TPST1: variants seen among roughly 807,000 people sequenced by gnomAD.
TPST1 encodes tyrosylprotein sulfotransferase 1, also known as protein-tyrosine sulfotransferase 1.
Under a neutral mutation model 34.8 loss-of-function variants are expected in TPST1, and 20 were observed. That is an observed-to-expected ratio of 0.57 (90% CI 0.40 to 0.84). TPST1 has a LOEUF of 0.84. Among genes scored for constraint, TPST1 ranks in the 40% least tolerant of loss-of-function variants. The probability of loss-of-function intolerance (pLI) is 0.00; values close to 1 mark genes in which losing one functional copy is unlikely to be tolerated. For missense variants in TPST1, 353 were observed against 455.5 expected, an observed-to-expected ratio of 0.78 and a Z score of 2.05; for synonymous variants, 152 against 159.4, an observed-to-expected ratio of 0.95 and a Z score of 0.35.
chr7:66,344,460 T>C (rs1792301458), intron 3 of TPST1: 1 of 152,280 alleles, frequency 6.6e-6, no homozygotes, highest in East Asian at 1.9e-4. Flanking sequence ...TCACCTGAGC[T>C]GTAGTGCAGT....
chr7:66,249,300 GTAACCTATTACATTGAT>G (rs1181534731), intron 2 of TPST1, among the ~76,000 whole-genome samples: 1 of 151,594 alleles, frequency 6.6e-6, no homozygotes, highest in Non-Finnish European at 1.5e-5. Flanking sequence ...TTTAAGTAGA[GTAACCTATTACATTGAT>G]TAACTACTGT....
At chr7:66,347,423 T>C (rs933755175) in intron 3 of TPST1, among the ~76,000 whole-genome samples, 3 of 152,196 alleles carry the variant, frequency 2.0e-5, no homozygotes, top group Admixed American at 1.3e-4. Flanking sequence ...GCACCATTTA[T>C]TGAAGAGACT....
At chr7:66,328,137 C>T (rs1384484268) in intron 3 of TPST1, among the ~76,000 whole-genome samples, 1 of 146,030 alleles carries the variant, frequency 6.8e-6, no homozygotes, top group Admixed American at 7.1e-5. Context: ...AGCAATTCTC[C>T]TGCCTCAGCC....
intron 2 of TPST1, among the ~76,000 whole-genome samples, chr7:66,268,686 A>G (rs1790638923): frequency 6.6e-6 from 1 of 152,180 alleles, no homozygotes; most frequent in Non-Finnish European, 1.5e-5. Context: ...GGAAAGAGAA[A>G]TAATCACAAC....
chr7:66,208,053 T>C (rs577000736), intron 1 of TPST1, among the ~76,000 whole-genome samples: 58 of 152,198 alleles, frequency 3.8e-4, no homozygotes, highest in African/African-American at 1.3e-3. Flanking sequence ...GGTCCTGTAG[T>C]CTACTTAATC....
At chr7:66,311,711 A>G (rs987792703) in intron 3 of TPST1, among the ~76,000 whole-genome samples, 1 of 152,346 alleles carries the variant, frequency 6.6e-6, no homozygotes, top group South Asian at 2.1e-4. Flanking sequence ...AAGACATGCC[A>G]TAGAAGAAAA....
At chr7:66,224,832 G>A (rs184133773) in intron 1 of TPST1, among the ~76,000 whole-genome samples, 146 of 146,550 alleles carry the variant, frequency 1.0e-3, no homozygotes, top group Non-Finnish European at 1.6e-3. Context: ...CCTCAGATAC[G>A]TTTATTGCAG....
chr7:66,269,305 TTTAGA>T (rs1279827993), intron 2 of TPST1, among the ~76,000 whole-genome samples: 2 of 152,208 alleles, frequency 1.3e-5, no homozygotes, highest in African/African-American at 4.8e-5. Context: ...AAAAGAAAAC[TTTAGA>T]TTAGTTTTCT....
intron 3 of TPST1, among the ~76,000 whole-genome samples, chr7:66,296,367 C>T (rs1488616396): frequency 2.0e-5 from 3 of 149,722 alleles, no homozygotes; most frequent in Non-Finnish European, 4.4e-5. Context: ...TGCATACAAA[C>T]TGACAGTCTT....
chr7:66,279,778 G>A (rs1005552081), intron 2 of TPST1, among the ~76,000 whole-genome samples: 1 of 152,168 alleles, frequency 6.6e-6, no homozygotes, highest in Non-Finnish European at 1.5e-5. Flanking sequence ...TGGAAATAAT[G>A]TATTTGTAAG....
intron 3 of TPST1, among the ~76,000 whole-genome samples, chr7:66,323,984 C>T (rs1337083557): frequency 6.6e-6 from 1 of 152,150 alleles, no homozygotes; most frequent in Non-Finnish European, 1.5e-5. Flanking sequence ...AAGGTGGAAA[C>T]AACCTAAATG....
chr7:66,240,171 G>A (rs1789998566), intron 1 of TPST1, among the ~76,000 whole-genome samples, 154 bp from the exon 2 acceptor site: 2 of 152,240 alleles, frequency 1.3e-5, no homozygotes, highest in African/African-American at 2.4e-5. Flanking sequence ...ACAGGTGTGA[G>A]CCACCGCGCC....
chr7:66,325,827 G>C (rs944003796), intron 3 of TPST1, among the ~76,000 whole-genome samples: 3 of 152,008 alleles, frequency 2.0e-5, no homozygotes, highest in Non-Finnish European at 1.5e-5. Flanking sequence ...GTAGAGACAG[G>C]GTTTCACCAT....
chr7:66,315,827 C>T (rs899663353), intron 3 of TPST1, among the ~76,000 whole-genome samples: 2 of 151,890 alleles, frequency 1.3e-5, no homozygotes, highest in South Asian at 2.1e-4. Flanking sequence ...AAAAAAAATT[C>T]GGGCCAGGTG....
At chr7:66,210,465 C>G (rs777838785) in intron 1 of TPST1, among the ~76,000 whole-genome samples, 32 of 152,166 alleles carry the variant, frequency 2.1e-4, no homozygotes, top group Non-Finnish European at 4.1e-4. Flanking sequence ...TTAAAAACCA[C>G]CTGGGGAGCT....
At chr7:66,217,327 C>T (rs1789444138) in intron 1 of TPST1, among the ~76,000 whole-genome samples, 1 of 152,104 alleles carries the variant, frequency 6.6e-6, no homozygotes, top group South Asian at 2.1e-4. Context: ...CTATTTCTCA[C>T]TTGAATTCTG....
rs35582736 is a variant in TPST1, at chr7:66,328,011, C to CTTTTTTTT, written c.1045-24473_1045-24466dup. Among the ~76,000 whole-genome samples, 12 of 39,512 alleles carry CTTTTTTTT rather than the reference C, an allele frequency of 3.0e-4. 2 individuals are homozygous for CTTTTTTTT. The highest frequency in any genetic ancestry group is 1.3e-3 in the South Asian group (1 of 780). The allele number at this position is 39,512 out of a possible 152,430, so 25.9% of individuals were successfully genotyped here. Reference sequence around the variant, plus strand: ...TTTTCTTTCTTTTTTTTTTCCTTTCCTTTTTTTTTTTTTTTTTTTTTTTTT... The same window carrying CTTTTTTTT: ...TTTTCTTTCTTTTTTTTTTCCTTTCCTTTTTTTTTTTTTTTTTTTTTTTTTTTTTTTTT... On this transcript the variant is annotated intron_variant, in intron 3 of 5. Coordinates refer to ENST00000304842, the MANE Select transcript of TPST1 (RefSeq NM_003596.4).
At chr7:66,293,165 C>T (rs995499147) in intron 3 of TPST1, among the ~76,000 whole-genome samples, 8 of 151,270 alleles carry the variant, frequency 5.3e-5, no homozygotes, top group Admixed American at 4.0e-4. Flanking sequence ...GAGATCACGC[C>T]ACTGCACTCC....
At chr7:66,233,443 A>G (rs1251279861) in intron 1 of TPST1, among the ~76,000 whole-genome samples, 9 of 152,140 alleles carry the variant, frequency 5.9e-5, no homozygotes, top group Non-Finnish European at 1.2e-4. Context: ...CCTGAGCACC[A>G]TTTGCTGAGA....
Sources: gnomAD v4.1 joint callset for allele counts (sites outside exome capture counted in the v4.1 genomes callset) on GRCh38, gnomAD v4.1.1 for gene constraint, MANE v1.5 for transcripts, NCBI Gene and HGNC (gene_info 2026-07-23, HGNC 2026-07-21) for gene names.